Variants in TBC1D8 observed in about 807,000 individuals in gnomAD.
The protein encoded by TBC1D8 is BUB2-like protein 1.
TBC1D8 carries 65 observed loss-of-function variants against 118.8 expected under a neutral mutation model. The ratio of observed to expected loss-of-function variants is 0.55; its 90% confidence interval spans 0.45 to 0.67. The LOEUF (loss-of-function observed/expected upper bound fraction) is 0.67. Among genes scored for constraint, TBC1D8 ranks in the 30% least tolerant of loss-of-function variants. The pLI, the probability that TBC1D8 is intolerant of heterozygous loss-of-function variation, is 0.00. For missense variants in TBC1D8, 1,376 were observed against 1,471.2 expected (o/e 0.94, Z 1.06); for synonymous variants, 566 against 595.8 (o/e 0.95, Z 0.73).
intron 1 of TBC1D8, among the ~76,000 whole-genome samples, chr2:101,118,153 C>T (rs887733659): frequency 2.6e-5 from 4 of 152,104 alleles, no homozygotes; most frequent in African/African-American, 7.2e-5. Flanking sequence ...ACAGCCAGAC[C>T]GCCATGTACC....
At chr2:101,027,034 G>A (rs1573891463) in intron 15 of TBC1D8, among the ~76,000 whole-genome samples, 1 of 152,174 alleles carries the variant, frequency 6.6e-6, no homozygotes, top group East Asian at 1.9e-4. Flanking sequence ...TTCAAAAAGG[G>A]TCACCGCAGG....
At position 101,060,954 on chromosome 2, in the gene TBC1D8, G is replaced by A. The variant is rs1449558727; in HGVS notation, c.284-1415C>T. ...TGTAATCCCAGCACTTTGGGAGGCC[G>A]AGGTGAATGGATCACTTGAGGTCAG... On this transcript the variant is annotated intron_variant, in intron 2 of 19. Coordinates refer to ENST00000409318, the MANE Select transcript of TBC1D8 (RefSeq NM_001330348.2). Among the ~76,000 whole-genome samples the A allele has an allele frequency of 3.9e-5, 6 of 152,100 alleles. No homozygotes were observed. In the East Asian group the frequency reaches 5.8e-4, roughly 15 times the overall value.
intron 2 of TBC1D8, among the ~76,000 whole-genome samples, chr2:101,070,921 A>C (rs1163466379): frequency 6.6e-6 from 1 of 152,204 alleles, no homozygotes; most frequent in Non-Finnish European, 1.5e-5. Flanking sequence ...TACATATTAA[A>C]CTTGGATTTT....
chr2:101,129,196 G>C (rs999169148), intron 1 of TBC1D8, among the ~76,000 whole-genome samples: 1 of 152,136 alleles, frequency 6.6e-6, no homozygotes, highest in African/African-American at 2.4e-5. Context: ...TTGGAGTACA[G>C]TGGCACGATT....
chr2:101,132,209 C>G (rs1264604258), intron 1 of TBC1D8, among the ~76,000 whole-genome samples: 2 of 152,106 alleles, frequency 1.3e-5, no homozygotes, highest in Non-Finnish European at 1.5e-5. Flanking sequence ...CTATTTCTTC[C>G]TCTAAATATA....
At chr2:101,072,296 C>T (rs1340021645) in intron 2 of TBC1D8, among the ~76,000 whole-genome samples, 3 of 151,930 alleles carry the variant, frequency 2.0e-5, no homozygotes, top group South Asian at 2.1e-4. Flanking sequence ...GGTGAGGCCT[C>T]GGGAAGCTTA....
intron 5 of TBC1D8, among the ~76,000 whole-genome samples, chr2:101,044,060 A>G (rs1020665248): frequency 6.6e-6 from 1 of 152,216 alleles, no homozygotes; most frequent in African/African-American, 2.4e-5. Context: ...GTGGCTTCAG[A>G]GCAGCCTGGG....
In TBC1D8 at chr2:101,022,318, G is replaced by C. The variant is rs1396557175; in HGVS notation, c.2724C>G (p.Asp908Glu). 3 of 1,612,640 alleles carry C rather than the reference G, an allele frequency of 1.9e-6. No homozygotes were observed. The highest frequency in any genetic ancestry group is 1.3e-5 in the African/African-American group (1 of 74,856). Residue 908 changes from aspartate (D) to glutamate (E), a missense_variant, in exon 16 of 20, where the codon GAC becomes GAG. By Grantham distance (45) the Asp-to-Glu change is conservative. Coordinates refer to ENST00000409318, the MANE Select transcript of TBC1D8 (RefSeq NM_001330348.2). ...CAAACGCTTTGAACTCGATGAGCTGGTCCATGTTGTCATCCAAGAGCCTGA... is the reference window on the plus strand; with the variant it reads ...CAAACGCTTTGAACTCGATGAGCTGCTCCATGTTGTCATCCAAGAGCCTGA... ...RTFRLLDDNM[D>E]QLIEFKAFVS... is the part of the protein sequence containing the mutation.
chr2:101,089,074 C>T (rs1281541214), intron 2 of TBC1D8, among the ~76,000 whole-genome samples: 1 of 152,000 alleles, frequency 6.6e-6, no homozygotes, highest in Admixed American at 6.5e-5. Flanking sequence ...GTTGGCCAGG[C>T]GTGGTGGCTC....
At chr2:101,049,867 C>T (rs1681947212) in intron 5 of TBC1D8, among the ~76,000 whole-genome samples, 1 of 151,624 alleles carries the variant, frequency 6.6e-6, no homozygotes. Context: ...TGTTCTGTCG[C>T]CCAGGCTGGA....
At chr2:101,141,384 A>C (rs1175886607) in intron 1 of TBC1D8, among the ~76,000 whole-genome samples, 1 of 152,164 alleles carries the variant, frequency 6.6e-6, no homozygotes, top group Non-Finnish European at 1.5e-5. Flanking sequence ...TGATGTGCAG[A>C]TCTTCATTCA....
At chr2:101,125,287 C>A (rs773224535) in intron 1 of TBC1D8, among the ~76,000 whole-genome samples, 2 of 151,932 alleles carry the variant, frequency 1.3e-5, no homozygotes, top group Non-Finnish European at 2.9e-5. Context: ...TAAGAGTACA[C>A]AAGAAAAATA....
chr2:101,011,161 G>A, intron 18 of TBC1D8, 135 bp from the exon 19 acceptor site: 1 of 870,906 alleles, frequency 1.1e-6, no homozygotes, highest in South Asian at 1.7e-5. Context: ...TGGAAAGCAA[G>A]AGATTCCCCT....
chr2:101,064,981 G>A (rs765143586), intron 2 of TBC1D8, among the ~76,000 whole-genome samples: 1 of 152,102 alleles, frequency 6.6e-6, no homozygotes, highest in Non-Finnish European at 1.5e-5. Flanking sequence ...CCATGACATC[G>A]TCATGGATGG....
At chr2:101,143,171 C>T (rs183028754) in intron 1 of TBC1D8, among the ~76,000 whole-genome samples, 8 of 151,704 alleles carry the variant, frequency 5.3e-5, no homozygotes, top group Non-Finnish European at 1.0e-4. Context: ...CAAACGGTTC[C>T]CCTGCCTCAG....
chr2:101,036,408 T>C (rs1345518758), intron 8 of TBC1D8, among the ~76,000 whole-genome samples: 4 of 152,064 alleles, frequency 2.6e-5, no homozygotes, highest in African/African-American at 9.7e-5. Flanking sequence ...AGTGGGAGCA[T>C]TTATACAAAT....
chr2:101,142,891 T>C (rs950889684), intron 1 of TBC1D8, among the ~76,000 whole-genome samples: 2 of 152,106 alleles, frequency 1.3e-5, no homozygotes, highest in Admixed American at 6.6e-5. Flanking sequence ...ATTTTTTTAC[T>C]TACAGGTGGT....
At chr2:101,050,333 A>G in intron 5 of TBC1D8, 68 bp downstream of exon 5, 5 of 1,546,216 alleles carry the variant, frequency 3.2e-6, no homozygotes, top group East Asian at 4.5e-5. Context: ...GCACTTGTAC[A>G]TAAGGGATGG....
At chr2:101,070,378 T>C (rs1683244968) in intron 2 of TBC1D8, among the ~76,000 whole-genome samples, 1 of 150,822 alleles carries the variant, frequency 6.6e-6, no homozygotes, top group South Asian at 2.1e-4. Context: ...CAACCGATCC[T>C]ACCAGTAAAG....
Sources: allele counts gnomAD v4.1 joint callset (sites outside exome capture counted in the v4.1 genomes callset), GRCh38; gene constraint gnomAD v4.1.1; transcripts MANE v1.5; gene names NCBI Gene and HGNC (gene_info 2026-07-23, HGNC 2026-07-21).